The following HEMK1 variants were observed in gnomAD, a reference collection of about 807,000 sequenced individuals.
HEMK1 encodes the protein HemK methyltransferase 1, mitochondrial release factors N(5)-glutamine.
A neutral mutation model predicts 47.9 loss-of-function variants in HEMK1; 36 were observed. That is an observed-to-expected ratio of 0.75 (90% CI 0.58 to 0.99). The LOEUF (loss-of-function observed/expected upper bound fraction) is 0.99. Ranked by LOEUF, HEMK1 falls within the 50% of genes least tolerant of loss-of-function variation. The pLI is 0.00. For synonymous variants in HEMK1, 153 were observed against 165.4 expected (o/e 0.93, Z 0.57); for missense variants, 383 against 434.5 (o/e 0.88, Z 1.05).
At chr3:50,577,634 C>T in intron 6 of HEMK1, 61 bp downstream of exon 6, 1 of 1,528,722 alleles carries the variant, frequency 6.5e-7, no homozygotes, top group Non-Finnish European at 9.1e-7. Flanking sequence ...TTCAAACTCA[C>T]CAATGTCTGA....
intron 4 of HEMK1, among the ~76,000 whole-genome samples, chr3:50,576,552 C>T (rs1266386708): frequency 2.0e-5 from 3 of 152,146 alleles, no homozygotes; most frequent in Non-Finnish European, 4.4e-5. Context: ...TAGAGACATC[C>T]GCCACCATGC....
chr3:50,571,572 A>G, intron 2 of HEMK1, 138 bp from the exon 3 acceptor site: 1 of 843,048 alleles, frequency 1.2e-6, no homozygotes, highest in Non-Finnish European at 2.0e-6. Flanking sequence ...CTTAGGCAGG[A>G]TGCTGCCCCC....
rs910135467 is a variant in HEMK1, at chr3:50,572,594, C to T, written c.414+386C>T. ...TGGAGGAAGTGGAGAGGGCTCCAGC[C>T]GGACACCTGGAGACCTGGTATCAGC... On this transcript the variant is annotated intron_variant, in intron 4 of 10. Coordinates refer to ENST00000232854, the MANE Select transcript of HEMK1 (RefSeq NM_016173.5). Among the ~76,000 whole-genome samples, 11 of 152,312 alleles carry T rather than the reference C, an allele frequency of 7.2e-5. No individual in the cohort carries two copies. In the South Asian group the frequency reaches 1.2e-3, roughly 17 times the overall value.
In HEMK1 at chr3:50,592,680, C is replaced by T. The variant is rs1237665484; in HGVS notation, c.*12263C>T. On this transcript the variant is annotated 3_prime_UTR_variant, in exon 11 of 11. Coordinates refer to ENST00000232854, the MANE Select transcript of HEMK1 (RefSeq NM_016173.5). ...GCCAGCCCAGCCCTTCAGACTCTGC[C>T]AGTCACAGTGGGGTGGGCCCTGGAG... is the stretch of plus-strand genomic sequence containing the variant. 6.6e-6 allele frequency: 1 copy of T among 152,290 alleles called. No homozygotes were observed. Among genetic ancestry groups the T allele is most frequent in the Non-Finnish European group, 1.5e-5 (1 of 68,102 alleles). The allele number at this position is 152,290 out of a possible 1,614,324, so 9.4% of individuals were successfully genotyped here.
chr3:50,571,996 A>G, intron 3 of HEMK1, 119 bp from the exon 4 acceptor site: 2 of 1,520,200 alleles, frequency 1.3e-6, no homozygotes, highest in Admixed American at 3.9e-5. Flanking sequence ...CAGGAGTCCC[A>G]AGGCCCTGGA....
chr3:50,575,564 C>T (rs929084100), intron 4 of HEMK1, among the ~76,000 whole-genome samples: 1 of 152,218 alleles, frequency 6.6e-6, no homozygotes, highest in Non-Finnish European at 1.5e-5. Flanking sequence ...AGGCACACCC[C>T]ATCCTTAGGC....
Position 50,588,941 on chromosome 3 carries a change from G to C in HEMK1, c.*8524G>C, listed in dbSNP as rs2031568614. On this transcript the variant is annotated 3_prime_UTR_variant, in exon 11 of 11. Coordinates refer to ENST00000232854, the MANE Select transcript of HEMK1 (RefSeq NM_016173.5). The stretch of plus-strand genomic sequence containing the variant: ...GTTTCTTCATCATTTCACTCAGCCC[G>C]CCTGTCTCAGCCCCCCAGAACTTTG... 1 of 152,160 alleles carries C rather than the reference G, an allele frequency of 6.6e-6. No individual in the cohort carries two copies. Among genetic ancestry groups the C allele is most frequent in the Admixed American group, 6.5e-5 (1 of 15,272 alleles). 9.4% of individuals were successfully genotyped at this position (152,160 alleles called of 1,614,324 possible). A position where few individuals can be genotyped will look rare whatever the true frequency, so the allele number is the denominator to read the frequency against.
intron 2 of HEMK1, 132 bp downstream of exon 2, chr3:50,571,464 G>T (rs1470828570): frequency 1.1e-5 from 8 of 711,564 alleles, no homozygotes; most frequent in African/African-American, 3.6e-5. Context: ...ACGTCTTAGC[G>T]CCTGGCACAC....
Position 50,582,639 on chromosome 3 carries a change from A to C in HEMK1, c.*2222A>C, listed in dbSNP as rs557116984. The C allele has an allele frequency of 6.6e-6, 1 of 152,372 alleles. No individual in the cohort carries two copies. Among genetic ancestry groups the C allele is most frequent in the Non-Finnish European group, 1.5e-5 (1 of 68,056 alleles). 9.4% of individuals were successfully genotyped at this position (152,372 alleles called of 1,614,324 possible). ...TTTCCTTGCCTTCCTCGGAGGGCAG[A>C]CACAGGGAGGAAGGACCCAGTGCCC... On this transcript the variant is annotated 3_prime_UTR_variant, in exon 11 of 11. Transcript: ENST00000232854.
In HEMK1 at chr3:50,576,507, C is replaced by T. The variant is rs571602096; in HGVS notation, c.415-545C>T. ...CTCTACCTCCCGGGCTCAAGCAATT[C>T]TCCCTCTCACCTCAGCCTTCTGAGT... On this transcript the variant is annotated intron_variant, in intron 4 of 10. Transcript: ENST00000232854. Among the ~76,000 whole-genome samples the T allele has an allele frequency of 1.8e-4, 27 of 152,342 alleles. 1 individual carries two copies. The South Asian group carries it at 5.4e-3, about 30-fold the overall frequency.
In HEMK1 at chr3:50,572,204, C is replaced by T; in HGVS notation, c.410C>T (p.Thr137Ile). 2.5e-6 allele frequency: 4 copies of T among 1,610,622 alleles called. No homozygotes were observed. In the South Asian group the frequency reaches 4.4e-5, roughly 18 times the overall value. Residue 137 changes from threonine (T) to isoleucine (I), a missense_variant, in exon 4 of 11, where the codon ACA becomes ATA. Physicochemically the swap from Thr to Ile is moderately conservative, Grantham distance 89 (BLOSUM62 -1). Coordinates refer to ENST00000232854, the MANE Select transcript of HEMK1 (RefSeq NM_016173.5). ...CCAGTGTTTATTCCTCGGCCAGAAA[C>T]AGAGGTAGGTGTGCCACCAGGGCAA... Reference protein sequence around the residue: ...VPPVFIPRPETEELVEWVLEE... With the variant: ...VPPVFIPRPEIEELVEWVLEE...
rs1453906580 is a variant in HEMK1, at chr3:50,594,399, G to C, written c.*13982G>C. The C allele has an allele frequency of 6.6e-6, 1 of 152,226 alleles. No individual in the cohort carries two copies. Among genetic ancestry groups the C allele is most frequent in the Non-Finnish European group, 1.5e-5 (1 of 68,054 alleles). The allele number at this position is 152,226 out of a possible 1,614,324, so 9.4% of individuals were successfully genotyped here. ...CTACTCATAAGGAGTTCATGGCCTGGTGGAGGATACAGGCAGGCAAATAGA... is the reference window on the plus strand; with the variant it reads ...CTACTCATAAGGAGTTCATGGCCTGCTGGAGGATACAGGCAGGCAAATAGA... On this transcript the variant is annotated 3_prime_UTR_variant, in exon 11 of 11. Transcript: ENST00000232854.
rs1255838648 is a variant in HEMK1, at chr3:50,583,311, T to TC, written c.*2894_*2895insC. 6.6e-6 allele frequency: 1 copy of TC among 152,226 alleles called. No homozygotes were observed. The highest frequency in any genetic ancestry group is 2.4e-5 in the African/African-American group (1 of 41,442). The allele number at this position is 152,226 out of a possible 1,614,324, so 9.4% of individuals were successfully genotyped here. A position where few individuals can be genotyped will look rare whatever the true frequency, so the allele number is the denominator to read the frequency against. On this transcript the variant is annotated 3_prime_UTR_variant, in exon 11 of 11. Coordinates refer to ENST00000232854, the MANE Select transcript of HEMK1 (RefSeq NM_016173.5). The stretch of plus-strand genomic sequence containing the variant: ...ACCCCCTAAATGCAAAAAATACTCT[T>TC]TTTTGCTCCTTTACCCCCACCTGGA...
chr3:50,578,783 G>T, intron 7 of HEMK1, 38 bp from the exon 8 acceptor site: 1 of 1,389,354 alleles, frequency 7.2e-7, no homozygotes, highest in Non-Finnish European at 1.0e-6. Flanking sequence ...CCTCCCAATG[G>T]GTTAGTCCCT....
chr3:50,577,734 C>T, intron 6 of HEMK1, 92 bp from the exon 7 acceptor site: 1 of 1,450,972 alleles, frequency 6.9e-7, no homozygotes, highest in Admixed American at 1.7e-5. Flanking sequence ...AGTATCTTGC[C>T]AGTCCAAGAA....
At chr3:50,575,847 C>T (rs987699608) in intron 4 of HEMK1, among the ~76,000 whole-genome samples, 4 of 152,250 alleles carry the variant, frequency 2.6e-5, no homozygotes, top group Non-Finnish European at 5.9e-5. Context: ...AGGTGTCCCA[C>T]TCCACTGCTG....
At chr3:50,579,069 C>A in intron 8 of HEMK1, 143 bp downstream of exon 8, 1 of 627,828 alleles carries the variant, frequency 1.6e-6, no homozygotes, top group Admixed American at 2.7e-5. Flanking sequence ...CTCGAGAGCC[C>A]ACAGTCCTAC....
chr3:50,573,390 G>A lies in HEMK1; in HGVS notation c.414+1182G>A, dbSNP rs897363097. On this transcript the variant is annotated intron_variant, in intron 4 of 10. Transcript: ENST00000232854. ...GCTTACCTGTGGCTCCTGAAAACAC[G>A]TGATCTCTGGCGAAGAGATCATTTG... 8.5e-5 allele frequency among the ~76,000 whole-genome samples: 13 copies of A among 152,318 alleles called. No homozygotes were observed. In the East Asian group the frequency reaches 1.5e-3, roughly 18 times the overall value.
intron 8 of HEMK1, 135 bp downstream of exon 8, chr3:50,579,061 C>T (rs576453762): frequency 7.8e-6 from 5 of 638,998 alleles, no homozygotes; most frequent in Middle Eastern, 4.2e-4. Flanking sequence ...TTGACGCACT[C>T]GAGAGCCCAC....
Sources: gnomAD v4.1 joint callset for allele counts (sites outside exome capture counted in the v4.1 genomes callset) on GRCh38, gnomAD v4.1.1 for gene constraint, MANE v1.5 for transcripts, NCBI Gene and HGNC (gene_info 2026-07-23, HGNC 2026-07-21) for gene names.